The following CNTNAP5 variants were observed in gnomAD, a reference collection of about 807,000 sequenced individuals.
The protein encoded by CNTNAP5 is contactin associated protein family member 5.
Under a neutral mutation model 150.2 loss-of-function variants are expected in CNTNAP5, and 72 were observed. The observed-to-expected ratio is 0.48, with a 90% CI of 0.40 to 0.58. The LOEUF is 0.58. Among genes scored for constraint, CNTNAP5 ranks in the 20% least tolerant of loss-of-function variants. The pLI is 0.00. For synonymous variants in CNTNAP5, 672 were observed against 619.8 expected, an observed-to-expected ratio of 1.08 and a Z score of -1.25; for missense variants, 1,636 against 1,626.2, an observed-to-expected ratio of 1.01 and a Z score of -0.10.
chr2:124,148,975 T>C (rs1475677006), intron 1 of CNTNAP5, among the ~76,000 whole-genome samples: 1 of 152,098 alleles, frequency 6.6e-6, no homozygotes, highest in East Asian at 1.9e-4. Flanking sequence ...TATATATACA[T>C]GTATGTGCAT....
In CNTNAP5 at chr2:124,427,270, A is replaced by G. The variant is rs1383005105; in HGVS notation, c.530-7214A>G. Among the ~76,000 whole-genome samples the G allele has an allele frequency of 2.0e-5, 3 of 152,238 alleles. No homozygotes were observed. In the East Asian group the frequency reaches 5.8e-4, roughly 29 times the overall value. On this transcript the variant is annotated intron_variant, in intron 4 of 23. Coordinates refer to ENST00000682447, the MANE Select transcript of CNTNAP5 (RefSeq NM_001367498.1). ...CACAATAAAATTGGGTAACGGGGGT[A>G]GGTAGCCAGGATTATGCAGGCTGAC...
intron 21 of CNTNAP5, among the ~76,000 whole-genome samples, chr2:124,896,701 G>A (rs535977485): frequency 1.9e-4 from 28 of 151,242 alleles, no homozygotes; most frequent in Non-Finnish European, 3.5e-4. Flanking sequence ...ACCATGTCCC[G>A]CTAATTTCTG....
At chr2:124,303,967 G>C (rs985545290) in intron 3 of CNTNAP5, among the ~76,000 whole-genome samples, 1 of 152,156 alleles carries the variant, frequency 6.6e-6, no homozygotes, top group African/African-American at 2.4e-5. Context: ...GGAGTCCAAG[G>C]TTACAGCAAG....
intron 13 of CNTNAP5, among the ~76,000 whole-genome samples, chr2:124,740,101 T>C (rs1680466952): frequency 6.7e-6 from 1 of 149,476 alleles, no homozygotes; most frequent in African/African-American, 2.4e-5. Flanking sequence ...TTAATTTATA[T>C]ATAAATTAGT....
At position 124,845,672 on chromosome 2, in the gene CNTNAP5, T is replaced by A. The variant is rs115565270; in HGVS notation, c.3218-19634T>A. On this transcript the variant is annotated intron_variant, in intron 19 of 23. Coordinates refer to ENST00000682447, the MANE Select transcript of CNTNAP5 (RefSeq NM_001367498.1). ...ACCATTTCAATCTCACTGCTTGTTA[T>A]TGGTCTGTTCAGAGATTTTATACCT... 2.3e-3 allele frequency among the ~76,000 whole-genome samples: 357 copies of A among 152,252 alleles called. 1 individual carries two copies. Among genetic ancestry groups the A allele is most frequent in the African/African-American group, 8.3e-3 (344 of 41,568 alleles).
chr2:124,123,403 G>A (rs139672343), intron 1 of CNTNAP5, among the ~76,000 whole-genome samples: 3,209 of 152,216 alleles, frequency 0.021, 49 homozygotes, highest in Middle Eastern at 0.037. Flanking sequence ...CAAAGCAGCT[G>A]GAAAGCTTGA....
intron 8 of CNTNAP5, among the ~76,000 whole-genome samples, chr2:124,514,523 C>T (rs566374422): frequency 5.5e-4 from 83 of 152,238 alleles, no homozygotes; most frequent in African/African-American, 1.9e-3. Context: ...GGAGTATCTA[C>T]TCTGCACTGG....
At chr2:124,073,163 A>G (rs537050208) in intron 1 of CNTNAP5, among the ~76,000 whole-genome samples, 76 of 152,222 alleles carry the variant, frequency 5.0e-4, no homozygotes, top group African/African-American at 1.4e-3. Context: ...CACATGCAGA[A>G]AAGTGAAACT....
In CNTNAP5 at chr2:124,527,400, A is replaced by C; in HGVS notation, c.1593A>C (p.Gln531His). ...NQPKDLISVQ[Q>H]GSLGNFSDLH... is the part of the protein sequence containing the mutation. ...CCAAGGACCTCATTTCAGTTCAGCA[A>C]GGTTCCCTGGGGAATTTTAGTGATT... Residue 531 changes from glutamine to histidine, a missense_variant, in exon 10 of 24, where the codon CAA (glutamine) becomes CAC (histidine). Transcript: ENST00000682447. 1 of 1,613,798 alleles carries C rather than the reference A, an allele frequency of 6.2e-7. No homozygotes were observed. The highest frequency in any genetic ancestry group is 8.5e-7 in the Non-Finnish European group (1 of 1,179,720).
At chr2:124,879,409 A>G (rs1319500290) in intron 21 of CNTNAP5, among the ~76,000 whole-genome samples, 1 of 152,102 alleles carries the variant, frequency 6.6e-6, no homozygotes, top group African/African-American at 2.4e-5. Context: ...ACTGGGCCCA[A>G]TGTTGTGCAG....
At chr2:124,764,297 C>T in intron 16 of CNTNAP5, 150 bp downstream of exon 16, 1 of 625,212 alleles carries the variant, frequency 1.6e-6, no homozygotes, top group Non-Finnish European at 2.8e-6. Context: ...CTAGTTCCTT[C>T]TGATGCTTTA....
At chr2:124,655,002 G>A (rs1020659654) in intron 13 of CNTNAP5, among the ~76,000 whole-genome samples, 1 of 150,750 alleles carries the variant, frequency 6.6e-6, no homozygotes, top group African/African-American at 2.4e-5. Flanking sequence ...TATACTTTAG[G>A]TTCTGGGATA....
chr2:124,704,798 G>A (rs912699471), intron 13 of CNTNAP5, among the ~76,000 whole-genome samples: 1 of 151,980 alleles, frequency 6.6e-6, no homozygotes, highest in African/African-American at 2.4e-5. Flanking sequence ...CTACACCCCA[G>A]TTAAACCATG....
intron 3 of CNTNAP5, among the ~76,000 whole-genome samples, chr2:124,349,874 C>CTTGTTTTTTTTTTTTT (rs1689831047): frequency 1.2e-5 from 1 of 81,840 alleles, no homozygotes; most frequent in African/African-American, 5.0e-5. Flanking sequence ...CTGGCTATTT[C>CTTGTTTTTTTTTTTTT]TTTTTTTTTT....
chr2:124,733,266 C>T (rs1001882334), intron 13 of CNTNAP5, among the ~76,000 whole-genome samples: 1 of 151,738 alleles, frequency 6.6e-6, no homozygotes, highest in African/African-American at 2.4e-5. Context: ...AAAGAAATTG[C>T]AATTTGTTAA....
intron 13 of CNTNAP5, among the ~76,000 whole-genome samples, chr2:124,702,023 A>G (rs1284030653): frequency 6.6e-6 from 1 of 151,936 alleles, no homozygotes; most frequent in Admixed American, 6.6e-5. Flanking sequence ...TACAATTAAT[A>G]TTTTCTCTTT....
chr2:124,708,615 A>G (rs557211180), intron 13 of CNTNAP5, among the ~76,000 whole-genome samples: 1 of 152,314 alleles, frequency 6.6e-6, no homozygotes, highest in South Asian at 2.1e-4. Flanking sequence ...GTTGTGACAG[A>G]CATTGGCATT....
intron 1 of CNTNAP5, among the ~76,000 whole-genome samples, chr2:124,193,158 C>A (rs933304830): frequency 2.6e-5 from 4 of 152,178 alleles, no homozygotes; most frequent in Non-Finnish European, 4.4e-5. Context: ...ACCAGTCATA[C>A]TGGATAAAGG....
At chr2:124,638,611 C>A (rs1424844874) in intron 12 of CNTNAP5, among the ~76,000 whole-genome samples, 1 of 152,152 alleles carries the variant, frequency 6.6e-6, no homozygotes, top group Non-Finnish European at 1.5e-5. Context: ...AAGTCAAATA[C>A]AGACAAATAT....
Sources: gnomAD v4.1 joint callset for allele counts (sites outside exome capture counted in the v4.1 genomes callset) on GRCh38, gnomAD v4.1.1 for gene constraint, MANE v1.5 for transcripts, NCBI Gene and HGNC (gene_info 2026-07-23, HGNC 2026-07-21) for gene names.